Variants in SLC16A12 observed in about 807,000 individuals in gnomAD.
SLC16A12 encodes the protein solute carrier family 16 member 12.
In SLC16A12, 17 loss-of-function variants were observed where a neutral mutation model predicts 42.4. The ratio of observed to expected loss-of-function variants is 0.40; its 90% confidence interval spans 0.27 to 0.60. The LOEUF (loss-of-function observed/expected upper bound fraction) is 0.60, where lower values mean the gene tolerates loss of function less well. SLC16A12 is among the 20% of genes least tolerant of loss of function. SLC16A12 has a pLI of 0.42. For missense variants in SLC16A12, 544 were observed against 623.0 expected (o/e 0.87, Z 1.35); for synonymous variants, 224 against 229.4 (o/e 0.98, Z 0.21).
intron 5 of SLC16A12, among the ~76,000 whole-genome samples, chr10:89,439,642 C>T (rs1841869236): frequency 6.6e-6 from 1 of 152,148 alleles, no homozygotes; most frequent in African/African-American, 2.4e-5. Context: ...TATGAAAATT[C>T]CAGGGTAATT....
chr10:89,436,914 A>AAGAAAGAAAGAAAGAAAGAAAGAGAAAG (rs796398100), intron 6 of SLC16A12, among the ~76,000 whole-genome samples: 304 of 136,556 alleles, frequency 2.2e-3, no homozygotes, highest in Middle Eastern at 3.8e-3. Flanking sequence ...GAAAGAAAGA[A>AAGAAAGAAAGAAAGAAAGAAAGAGAAAG]AAAGAAAGAG....
At position 89,438,867 on chromosome 10, in the gene SLC16A12, A is replaced by C; in HGVS notation, c.765T>G (p.Tyr255Ter). The change falls in exon 6 of 8, where the codon TAT (tyrosine) becomes TAG (stop). Residue 255 changes from tyrosine to a stop codon, truncating the protein, a stop_gained. Transcript: ENST00000371790. LOFTEE classifies it high-confidence loss of function. ...GTGCCCATTCTTTGGTCAAAGATGA[A>C]TAGGGAGACACCCGCTTAATGTCTT... ...QKEDIKRVSP[Y>*]SSLTKEWAQT... The C allele has an allele frequency of 6.2e-7, 1 of 1,614,172 alleles. No homozygotes were observed. The highest frequency in any genetic ancestry group is 8.5e-7 in the Non-Finnish European group (1 of 1,180,010).
intron 3 of SLC16A12, among the ~76,000 whole-genome samples, chr10:89,459,677 G>A (rs373274239): frequency 2.6e-5 from 4 of 152,090 alleles, no homozygotes; most frequent in Non-Finnish European, 4.4e-5. Flanking sequence ...ATGGTGCCTC[G>A]CCCCTATAAT....
chr10:89,508,426 C>T (rs969308964), intron 2 of SLC16A12, among the ~76,000 whole-genome samples: 48 of 152,324 alleles, frequency 3.2e-4, no homozygotes, highest in South Asian at 1.7e-3. Context: ...AAGAAACTCA[C>T]TCAAAACTGC....
At chr10:89,513,640 T>C (rs1192067633) in intron 2 of SLC16A12, among the ~76,000 whole-genome samples, 3 of 152,208 alleles carry the variant, frequency 2.0e-5, no homozygotes, top group Non-Finnish European at 4.4e-5. Context: ...TTAGACTTGT[T>C]ACTAATCAAA....
chr10:89,550,275 C>T (rs1404830948), intron 2 of SLC16A12, among the ~76,000 whole-genome samples: 1 of 152,178 alleles, frequency 6.6e-6, no homozygotes, highest in African/African-American at 2.4e-5. Flanking sequence ...AATCTCAGCA[C>T]TTTGCGGGGC....
chr10:89,512,421 C>T lies in SLC16A12; in HGVS notation c.-47+22080G>A, dbSNP rs1457313497. On this transcript the variant is annotated intron_variant, in intron 2 of 7. Transcript: ENST00000371790. ...GCAGCCTCAGGTTGGAGGATGTTTGCAGAGAAGCCAAACTTGTGATTAGAG... is the reference window on the plus strand; with the variant it reads ...GCAGCCTCAGGTTGGAGGATGTTTGTAGAGAAGCCAAACTTGTGATTAGAG... Among the ~76,000 whole-genome samples the T allele has an allele frequency of 5.9e-5, 9 of 152,304 alleles. No individual in the cohort carries two copies. The East Asian group carries it at 1.2e-3, about 20-fold the overall frequency.
chr10:89,513,372 C>T (rs1843194634), intron 2 of SLC16A12, among the ~76,000 whole-genome samples: 1 of 152,202 alleles, frequency 6.6e-6, no homozygotes, highest in Non-Finnish European at 1.5e-5. Flanking sequence ...TGATTTCTCT[C>T]TCCCAAAAAG....
At position 89,547,911 on chromosome 10, in the gene SLC16A12, C is replaced by T. The variant is rs530591404; in HGVS notation, c.-47+7971G>A. Among the ~76,000 whole-genome samples, 9 of 149,482 alleles carry T rather than the reference C, an allele frequency of 6.0e-5. No homozygotes were observed. The South Asian group carries it at 1.9e-3, about 32-fold the overall frequency. On this transcript the variant is annotated intron_variant, in intron 2 of 2. Coordinates refer to the SLC16A12 transcript ENST00000475682. ...GCTGAGGCAGGAGAATCACTTTAAC[C>T]CAGGAGGCAGAGGTTGCAGTGAGCC...
At chr10:89,520,214 A>G (rs1203777167) in intron 2 of SLC16A12, among the ~76,000 whole-genome samples, 1 of 152,206 alleles carries the variant, frequency 6.6e-6, no homozygotes, top group Non-Finnish European at 1.5e-5. Flanking sequence ...CAATCAGGCT[A>G]TCTATATAAA....
intron 2 of SLC16A12, among the ~76,000 whole-genome samples, chr10:89,484,087 G>A (rs1455143647): frequency 6.6e-6 from 1 of 152,100 alleles, no homozygotes; most frequent in Non-Finnish European, 1.5e-5. Context: ...CCAGGAGTTT[G>A]GGACCAGCCT....
chr10:89,527,391 G>A (rs1843471406), intron 2 of SLC16A12, among the ~76,000 whole-genome samples: 1 of 152,080 alleles, frequency 6.6e-6, no homozygotes, highest in Non-Finnish European at 1.5e-5. Context: ...GCTGAGGCAG[G>A]AGAATCGCTT....
intron 2 of SLC16A12, among the ~76,000 whole-genome samples, chr10:89,479,174 C>T (rs1842625229): frequency 6.6e-6 from 1 of 152,208 alleles, no homozygotes; most frequent in Admixed American, 6.5e-5. Context: ...TTCCATGATC[C>T]TGTGGGGTGG....
chr10:89,514,843 C>T (rs1843221983), intron 2 of SLC16A12, among the ~76,000 whole-genome samples: 2 of 152,180 alleles, frequency 1.3e-5, no homozygotes, highest in African/African-American at 4.8e-5. Context: ...GTAATCCCAG[C>T]ACTTTGGGAG....
chr10:89,446,403 G>T (rs1474136403), intron 3 of SLC16A12, among the ~76,000 whole-genome samples: 1 of 152,220 alleles, frequency 6.6e-6, no homozygotes, highest in Non-Finnish European at 1.5e-5. Context: ...ACTAACAGCA[G>T]ATCTCTTTGC....
chr10:89,477,327 G>A (rs1439583771), intron 2 of SLC16A12, among the ~76,000 whole-genome samples: 1 of 152,142 alleles, frequency 6.6e-6, no homozygotes, highest in Non-Finnish European at 1.5e-5. Flanking sequence ...CACTTTGGGA[G>A]GCCGAGGTGG....
intron 2 of SLC16A12, among the ~76,000 whole-genome samples, chr10:89,490,682 A>G (rs898910818): frequency 1.3e-5 from 2 of 152,176 alleles, no homozygotes; most frequent in Non-Finnish European, 2.9e-5. Context: ...CACCAACCCA[A>G]AAGCTCTCTG....
At chr10:89,486,763 C>G (rs1232826623) in intron 2 of SLC16A12, among the ~76,000 whole-genome samples, 5 of 150,114 alleles carry the variant, frequency 3.3e-5, no homozygotes, top group Non-Finnish European at 7.4e-5. Context: ...GAAATAAAGA[C>G]TAGGAAATGA....
At chr10:89,542,515 G>A (rs1383669842) in intron 2 of SLC16A12, among the ~76,000 whole-genome samples, 1 of 152,024 alleles carries the variant, frequency 6.6e-6, no homozygotes, top group Non-Finnish European at 1.5e-5. Flanking sequence ...TGTTGGCCAG[G>A]CTGGTCTTGA....
Sources: allele counts gnomAD v4.1 joint callset (sites outside exome capture counted in the v4.1 genomes callset), GRCh38; gene constraint gnomAD v4.1.1; transcripts MANE v1.5; gene names NCBI Gene and HGNC (gene_info 2026-07-23, HGNC 2026-07-21).